ATRNL1: variants seen among roughly 807,000 people sequenced by gnomAD.
ATRNL1 encodes attractin-like protein 1.
A neutral mutation model predicts 182.7 loss-of-function variants in ATRNL1; 95 were observed. That is an observed-to-expected ratio of 0.52 (90% CI 0.44 to 0.62). The LOEUF (loss-of-function observed/expected upper bound fraction) is 0.62. Ranked by LOEUF, ATRNL1 falls within the 20% of genes least tolerant of loss-of-function variation. The pLI is 0.00. For missense variants in ATRNL1, 1,471 were observed against 1,679.5 expected (o/e 0.88, Z 2.17); for synonymous variants, 576 against 568.3 (o/e 1.01, Z -0.19).
intron 26 of ATRNL1, among the ~76,000 whole-genome samples, chr10:115,649,079 A>G (rs577553990): frequency 3.3e-5 from 5 of 152,302 alleles, no homozygotes; most frequent in South Asian, 2.1e-4. Flanking sequence ...GGTCCTTACA[A>G]TGTTAAAATT....
At chr10:115,277,956 C>T (rs931239287) in intron 13 of ATRNL1, among the ~76,000 whole-genome samples, 1 of 152,098 alleles carries the variant, frequency 6.6e-6, no homozygotes, top group African/African-American at 2.4e-5. Flanking sequence ...CTCAATCAAC[C>T]AGAACCATTA....
At chr10:115,441,469 C>T (rs1383817966) in intron 21 of ATRNL1, among the ~76,000 whole-genome samples, 5 of 151,874 alleles carry the variant, frequency 3.3e-5, no homozygotes, top group African/African-American at 4.8e-5. Flanking sequence ...ACTTTCCTAT[C>T]ATACTTTCCA....
intron 19 of ATRNL1, among the ~76,000 whole-genome samples, chr10:115,363,096 A>G (rs1592525108): frequency 1.4e-5 from 2 of 147,430 alleles, no homozygotes; most frequent in East Asian, 2.0e-4. Flanking sequence ...GAATCGCCAC[A>G]CTGACTTCCA....
rs1555055340 is a variant in ATRNL1, at chr10:115,713,705, C to CTATCATCTATCTATCT, written c.3796-13543_3796-13542insTATCATCTATCTATCT. 1.1e-3 allele frequency among the ~76,000 whole-genome samples: 115 copies of CTATCATCTATCTATCT among 101,284 alleles called. 1 individual carries two copies. The highest frequency in any genetic ancestry group is 4.1e-3 in the East Asian group (9 of 2,192). 66.4% of individuals were successfully genotyped at this position (101,284 alleles called of 152,430 possible). On this transcript the variant is annotated intron_variant, in intron 26 of 28. Coordinates refer to ENST00000355044, the MANE Select transcript of ATRNL1 (RefSeq NM_207303.4). ...TCTATCTATCTATCTATCTATCTAT[C>CTATCATCTATCTATCT]ATCTATCTATCTATCTATCTATCTA...
chr10:115,906,175 AAATTAT>A (rs1555114494), intron 28 of ATRNL1, among the ~76,000 whole-genome samples: 1 of 152,196 alleles, frequency 6.6e-6, no homozygotes, highest in African/African-American at 2.4e-5. Flanking sequence ...TGTGTTTTAA[AAATTAT>A]AATTATAACT....
At chr10:115,698,733 G>T (rs1461663511) in intron 26 of ATRNL1, among the ~76,000 whole-genome samples, 1 of 151,462 alleles carries the variant, frequency 6.6e-6, no homozygotes, top group East Asian at 1.9e-4. Flanking sequence ...AGCTGAGATG[G>T]TACCACTGCA....
At chr10:115,285,520 C>T (rs941199214) in intron 14 of ATRNL1, among the ~76,000 whole-genome samples, 1 of 152,036 alleles carries the variant, frequency 6.6e-6, no homozygotes, top group East Asian at 1.9e-4. Flanking sequence ...AAAGTTTAGC[C>T]TTATTAATAT....
intron 17 of ATRNL1, among the ~76,000 whole-genome samples, chr10:115,304,759 G>A (rs1592413315): frequency 1.3e-5 from 2 of 152,062 alleles, no homozygotes; most frequent in Non-Finnish European, 1.5e-5. Flanking sequence ...ACACACATGG[G>A]GATATGTGGG....
chr10:115,665,717 T>G (rs1860960618), intron 26 of ATRNL1, among the ~76,000 whole-genome samples: 1 of 152,158 alleles, frequency 6.6e-6, no homozygotes, highest in Non-Finnish European at 1.5e-5. Context: ...GAGTCACAGT[T>G]TGACCACTGT....
intron 11 of ATRNL1, among the ~76,000 whole-genome samples, chr10:115,265,596 C>T (rs554396161): frequency 2.0e-5 from 3 of 151,678 alleles, no homozygotes; most frequent in Admixed American, 2.0e-4. Context: ...AAAGATGGAA[C>T]TGAAATGATA....
At chr10:115,792,163 A>G (rs1949545288) in intron 27 of ATRNL1, among the ~76,000 whole-genome samples, 1 of 152,154 alleles carries the variant, frequency 6.6e-6, no homozygotes, top group African/African-American at 2.4e-5. Flanking sequence ...GAGGTTATGC[A>G]AATGAAACTT....
chr10:115,659,181 C>T (rs1329240940), intron 26 of ATRNL1, among the ~76,000 whole-genome samples: 2 of 152,048 alleles, frequency 1.3e-5, no homozygotes, highest in African/African-American at 4.8e-5. Flanking sequence ...CTTCTAATAA[C>T]CTTCCCTCCT....
chr10:115,574,882 A>G (rs1555004656), intron 26 of ATRNL1, among the ~76,000 whole-genome samples: 1 of 152,212 alleles, frequency 6.6e-6, no homozygotes, highest in Non-Finnish European at 1.5e-5. Context: ...CAAAATTGCT[A>G]ATAGACAAAT....
chr10:115,651,704 C>T (rs1860016332), intron 26 of ATRNL1, among the ~76,000 whole-genome samples: 1 of 152,096 alleles, frequency 6.6e-6, no homozygotes, highest in African/African-American at 2.4e-5. Flanking sequence ...TTTACATAAC[C>T]ATCTTGCTAG....
chr10:115,441,432 C>T (rs781966252), intron 21 of ATRNL1, among the ~76,000 whole-genome samples: 1 of 151,892 alleles, frequency 6.6e-6, no homozygotes, highest in Non-Finnish European at 1.5e-5. Flanking sequence ...ACCACAGAGT[C>T]GAACAGTTGA....
chr10:115,479,047 A>G (rs1289429816), intron 24 of ATRNL1, among the ~76,000 whole-genome samples: 1 of 151,564 alleles, frequency 6.6e-6, no homozygotes, highest in South Asian at 2.1e-4. Flanking sequence ...CTGTTTATTT[A>G]AAAGGCAGGT....
intron 20 of ATRNL1, among the ~76,000 whole-genome samples, chr10:115,423,831 G>A (rs1020636764): frequency 5.3e-5 from 8 of 152,098 alleles, no homozygotes; most frequent in African/African-American, 1.4e-4. Context: ...AAGAGAACAC[G>A]GAGGTAACAC....
At chr10:115,102,898 G>C (rs1843834989) in intron 1 of ATRNL1, among the ~76,000 whole-genome samples, 1 of 152,036 alleles carries the variant, frequency 6.6e-6, no homozygotes, top group Non-Finnish European at 1.5e-5. Flanking sequence ...AAATCATTTT[G>C]AGGAGAATTG....
chr10:115,093,706 CGGCGCCCGCGAG>C lies in ATRNL1; in HGVS notation c.-44_-33del. On this transcript the variant is annotated 5_prime_UTR_variant, in exon 1 of 29. Coordinates refer to ENST00000355044, the MANE Select transcript of ATRNL1 (RefSeq NM_207303.4). The surrounding 1 kb of genome is among the most constrained non-coding windows in gnomAD (Gnocchi z 6.1). ...GAATTCCCTTCAACAGCATCCCTGT[CGGCGCCCGCGAG>C]CGCAGTCTCGCCGGGCAGGGGCGCC... 7.1e-7 allele frequency: 1 copy of C among 1,417,456 alleles called. No individual in the cohort carries two copies. Among genetic ancestry groups the C allele is most frequent in the South Asian group, 1.5e-5 (1 of 67,720 alleles). 87.8% of individuals were successfully genotyped at this position (1,417,456 alleles called of 1,614,324 possible). A position where few individuals can be genotyped will look rare whatever the true frequency, so the allele number is the denominator to read the frequency against.
Sources: gnomAD v4.1 joint callset for allele counts (sites outside exome capture counted in the v4.1 genomes callset) on GRCh38, gnomAD v4.1.1 for gene constraint, Gnocchi (gnomAD v3.1) non-coding constraint, MANE v1.5 for transcripts, NCBI Gene and HGNC (gene_info 2026-07-23, HGNC 2026-07-21) for gene names.